The following CTNNA1 variants were observed in gnomAD, a reference collection of about 807,000 sequenced individuals.
The protein encoded by CTNNA1 is catenin alpha-1.
In CTNNA1, 37 loss-of-function variants were observed where a neutral mutation model predicts 98.4. That is an observed-to-expected ratio of 0.38 (90% CI 0.29 to 0.49). The LOEUF is 0.49. Ranked by LOEUF, CTNNA1 falls within the 20% of genes least tolerant of loss-of-function variation. The probability of loss-of-function intolerance (pLI) is 0.95; values close to 1 mark genes in which losing one functional copy is unlikely to be tolerated. For synonymous variants in CTNNA1, 404 were observed against 413.2 expected, an observed-to-expected ratio of 0.98 and a Z score of 0.27; for missense variants, 761 against 1,147.2, an observed-to-expected ratio of 0.66 and a Z score of 4.86.
At chr5:138,828,370 C>T (rs1561569364) in intron 7 of CTNNA1, 1 of 151,102 alleles carries the variant, frequency 6.6e-6, no homozygotes, top group Non-Finnish European at 1.5e-5. Context: ...TTGATACCCA[C>T]TTTTTTTTTA....
intron 7 of CTNNA1, 194 bp downstream of exon 7, chr5:138,827,912 AT>A (rs1264070859): frequency 1.6e-6 from 1 of 619,104 alleles, no homozygotes; most frequent in Non-Finnish European, 2.8e-6. Flanking sequence ...TTATTGAGAA[AT>A]TTTCAACTTA....
intron 7 of CTNNA1, among the ~76,000 whole-genome samples, chr5:138,856,580 G>C (rs552727294): frequency 6.6e-6 from 1 of 152,086 alleles, no homozygotes; most frequent in African/African-American, 2.4e-5. Context: ...GGCCTCAAAT[G>C]ATCCTCCTGT....
intron 11 of CTNNA1, among the ~76,000 whole-genome samples, chr5:138,919,990 T>G (rs1179898564): frequency 6.8e-6 from 1 of 146,138 alleles, no homozygotes; most frequent in Non-Finnish European, 1.5e-5. Flanking sequence ...TTTTTTTTTT[T>G]TTTGAGACGG....
Position 138,875,388 on chromosome 5 carries a change from C to T in CTNNA1, c.1063-10824C>T, listed in dbSNP as rs555861358. ...AGAACTGTATATAGGCTGACGTCAC[C>T]GGATGACGTGTCTTTTGTTTGGGTT... On this transcript the variant is annotated intron_variant, in intron 7 of 17. Coordinates refer to ENST00000302763, the MANE Select transcript of CTNNA1 (RefSeq NM_001903.5). 230 of 985,876 alleles carry T rather than the reference C, an allele frequency of 2.3e-4. No homozygotes were observed. Among genetic ancestry groups the T allele is most frequent in the African/African-American group, 2.8e-4 (16 of 57,338 alleles). 61.1% of individuals were successfully genotyped at this position (985,876 alleles called of 1,614,324 possible).
At chr5:138,851,708 G>A (rs923111722) in intron 7 of CTNNA1, among the ~76,000 whole-genome samples, 6 of 152,048 alleles carry the variant, frequency 3.9e-5, no homozygotes, top group African/African-American at 7.2e-5. Flanking sequence ...GCAGTGAGCC[G>A]AGATTGCGCC....
At chr5:138,882,519 G>A (rs1336262003) in intron 7 of CTNNA1, among the ~76,000 whole-genome samples, 1 of 152,178 alleles carries the variant, frequency 6.6e-6, no homozygotes, top group Non-Finnish European at 1.5e-5. Context: ...AAGAAGTATG[G>A]TGGGATGATA....
intron 1 of CTNNA1, among the ~76,000 whole-genome samples, chr5:138,777,151 G>T (rs1754387842): frequency 6.6e-6 from 1 of 152,092 alleles, no homozygotes; most frequent in African/African-American, 2.4e-5. Flanking sequence ...CGGGGCGGCT[G>T]GGCAGAGACG....
chr5:138,883,066 A>G (rs1561646129), intron 7 of CTNNA1, among the ~76,000 whole-genome samples: 1 of 152,184 alleles, frequency 6.6e-6, no homozygotes. Flanking sequence ...CAAAGGTTTC[A>G]GCTTTGAGGC....
chr5:138,874,234 A>G lies in CTNNA1; in HGVS notation c.1063-11978A>G. The G allele has an allele frequency of 6.2e-7, 1 of 1,614,028 alleles. No homozygotes were observed. Among genetic ancestry groups the G allele is most frequent in the Non-Finnish European group, 8.5e-7 (1 of 1,179,874 alleles). Reference sequence around the variant, plus strand: ...AACTTAAGATTAATTCCTTAAGTTTATATAGTCCTTGAAAAGCATCTTCTT... The same window carrying G: ...AACTTAAGATTAATTCCTTAAGTTTGTATAGTCCTTGAAAAGCATCTTCTT... On this transcript the variant is annotated intron_variant, in intron 7 of 17. Coordinates refer to ENST00000302763, the MANE Select transcript of CTNNA1 (RefSeq NM_001903.5). This position sits in a 1 kb window ranked among gnomAD's most constrained non-coding sequence, Gnocchi z 4.1.
chr5:138,797,406 C>T (rs1002844860), intron 3 of CTNNA1, among the ~76,000 whole-genome samples: 2 of 152,142 alleles, frequency 1.3e-5, no homozygotes, highest in Non-Finnish European at 2.9e-5. Context: ...TCTCCATTCT[C>T]ACTGTGCAGT....
intron 7 of CTNNA1, among the ~76,000 whole-genome samples, chr5:138,862,527 G>A (rs1033969067): frequency 1.1e-4 from 16 of 152,052 alleles, no homozygotes; most frequent in African/African-American, 3.9e-4. Context: ...TACTGAACAA[G>A]GAAAAGACAT....
intron 1 of CTNNA1, among the ~76,000 whole-genome samples, chr5:138,771,888 C>T (rs902047068): frequency 5.9e-5 from 9 of 151,912 alleles, no homozygotes; most frequent in African/African-American, 2.2e-4. Flanking sequence ...TGCATTTAAA[C>T]GAACCATCCT....
At chr5:138,776,649 A>T (rs1287530564) in intron 1 of CTNNA1, among the ~76,000 whole-genome samples, 1 of 149,112 alleles carries the variant, frequency 6.7e-6, no homozygotes, top group African/African-American at 2.5e-5. Flanking sequence ...CACCTCCCGG[A>T]CGGGGCGGCT....
chr5:138,896,646 A>G (rs1756878254), intron 9 of CTNNA1, among the ~76,000 whole-genome samples: 1 of 152,088 alleles, frequency 6.6e-6, no homozygotes, highest in African/African-American at 2.4e-5. Context: ...TCTTCCCTTT[A>G]CCATTTTCTT....
At chr5:138,824,403 A>T (rs1760422528) in intron 5 of CTNNA1, 127 bp from the exon 6 acceptor site, 1 of 1,042,454 alleles carries the variant, frequency 9.6e-7, no homozygotes, top group African/African-American at 1.6e-5. Flanking sequence ...TCTCAACTAG[A>T]TTGTTAATGA....
chr5:138,850,390 T>G (rs1763082856), intron 7 of CTNNA1, among the ~76,000 whole-genome samples: 1 of 152,256 alleles, frequency 6.6e-6, no homozygotes, highest in Non-Finnish European at 1.5e-5. Context: ...CTTTCATGTT[T>G]GAATTGTTTT....
At chr5:138,907,127 T>G (rs1160390426) in intron 10 of CTNNA1, among the ~76,000 whole-genome samples, 1 of 152,170 alleles carries the variant, frequency 6.6e-6, no homozygotes, top group Admixed American at 6.5e-5. Context: ...GTTCAAGTGA[T>G]TCTCCTGCTG....
intron 7 of CTNNA1, chr5:138,875,466 C>T: frequency 5.1e-6 from 5 of 985,432 alleles, no homozygotes; most frequent in South Asian, 4.7e-5. Flanking sequence ...GCATCGGGGT[C>T]GTTGCAGGAC....
chr5:138,894,279 C>T (rs1452916299), intron 9 of CTNNA1, among the ~76,000 whole-genome samples: 3 of 145,310 alleles, frequency 2.1e-5, no homozygotes, highest in African/African-American at 5.1e-5. Flanking sequence ...ACTTTTCTTT[C>T]TCTTTTTTTT....
Sources: allele counts gnomAD v4.1 joint callset (sites outside exome capture counted in the v4.1 genomes callset), GRCh38; gene constraint gnomAD v4.1.1; non-coding constraint Gnocchi (gnomAD v3.1); transcripts MANE v1.5; gene names NCBI Gene and HGNC (gene_info 2026-07-23, HGNC 2026-07-21).